The following PPARGC1A variants were observed in gnomAD, a reference collection of about 807,000 sequenced individuals.
PPARGC1A encodes the protein peroxisome proliferator-activated receptor gamma coactivator 1-alpha.
A neutral mutation model predicts 88.7 loss-of-function variants in PPARGC1A; 25 were observed. The observed-to-expected ratio is 0.28, with a 90% CI of 0.21 to 0.39. The LOEUF (loss-of-function observed/expected upper bound fraction) is 0.39, where lower values mean the gene tolerates loss of function less well. Ranked by LOEUF, PPARGC1A falls within the 10% of genes least tolerant of loss-of-function variation. The pLI is 1.00. For missense variants in PPARGC1A, 880 were observed against 968.7 expected (o/e 0.91, Z 1.22); for synonymous variants, 363 against 355.6 (o/e 1.02, Z -0.24).
At chr4:24,233,261 C>T in the PPARGC1A span, among the ~76,000 whole-genome samples, 1 of 152,150 alleles carries the variant, frequency 6.6e-6, no homozygotes, top group Non-Finnish European at 1.5e-5. Context: ...AATAGCCAAG[C>T]AAATATGATG....
At chr4:23,943,557 G>A in the PPARGC1A span, among the ~76,000 whole-genome samples, 1 of 152,084 alleles carries the variant, frequency 6.6e-6, no homozygotes, top group Admixed American at 6.6e-5. Context: ...AGGTAATTGG[G>A]TGAATCGGTT....
At chr4:24,208,682 A>AAAAAAAAT in the PPARGC1A span, among the ~76,000 whole-genome samples, 1,112 of 134,902 alleles carry the variant, frequency 8.2e-3, 13 homozygotes, top group African/African-American at 0.026. Context: ...TCAGAAAAAA[A>AAAAAAAAT]ATATATATAT....
chr4:24,136,038 G>C, the PPARGC1A span, among the ~76,000 whole-genome samples: 2 of 152,182 alleles, frequency 1.3e-5, no homozygotes, highest in Non-Finnish European at 2.9e-5. Flanking sequence ...TTGCTTGGCA[G>C]GCACGGTTCC....
At chr4:24,373,164 G>T in the PPARGC1A span, among the ~76,000 whole-genome samples, 2 of 152,212 alleles carry the variant, frequency 1.3e-5, no homozygotes, top group East Asian at 3.8e-4. Context: ...CTCCTGCGGC[G>T]TGAGCAGCAG....
At chr4:24,150,832 TGC>T in the PPARGC1A span, among the ~76,000 whole-genome samples, 2 of 152,186 alleles carry the variant, frequency 1.3e-5, no homozygotes, top group Admixed American at 6.5e-5. Context: ...CATTCTCTTG[TGC>T]ATTATACCAT....
chr4:24,372,917 G>A, the PPARGC1A span, among the ~76,000 whole-genome samples: 3 of 152,180 alleles, frequency 2.0e-5, no homozygotes, highest in Non-Finnish European at 2.9e-5. Context: ...GAGAGCTGGC[G>A]GAAAGTCAGG....
intron 2 of PPARGC1A, among the ~76,000 whole-genome samples, chr4:23,844,688 TA>T (rs1727820855): frequency 9.9e-6 from 1 of 101,396 alleles, no homozygotes; most frequent in Non-Finnish European, 1.7e-5. Context: ...ATATATCATA[TA>T]ATATATGATC....
At chr4:24,277,103 TTTG>T in the PPARGC1A span, among the ~76,000 whole-genome samples, 1 of 152,126 alleles carries the variant, frequency 6.6e-6, no homozygotes, top group Admixed American at 6.6e-5. Context: ...TTGCTTTTTG[TTTG>T]TTTTGAGGCA....
the PPARGC1A span, among the ~76,000 whole-genome samples, chr4:24,335,010 A>G: frequency 1.3e-5 from 2 of 152,224 alleles, no homozygotes; most frequent in African/African-American, 2.4e-5. Flanking sequence ...AGAGGTTTCC[A>G]TATTGTATTC....
intron 3 of PPARGC1A, among the ~76,000 whole-genome samples, chr4:23,830,196 T>G (rs1028215601): frequency 1.8e-4 from 28 of 152,182 alleles, no homozygotes; most frequent in Admixed American, 1.8e-3. Context: ...AAATTACTGA[T>G]TCAAAGAATG....
the PPARGC1A span, among the ~76,000 whole-genome samples, chr4:24,254,265 T>C: frequency 6.6e-6 from 1 of 152,180 alleles, no homozygotes; most frequent in African/African-American, 2.4e-5. Flanking sequence ...AGATTCTCCT[T>C]TGACAGGTAA....
At chr4:23,831,772 A>G (rs1245756207) in intron 2 of PPARGC1A, 21 bp from the exon 3 acceptor site, 2 of 1,581,392 alleles carry the variant, frequency 1.3e-6, no homozygotes, top group Non-Finnish European at 1.7e-6. Context: ...AGAAAAAAAC[A>G]GAAGATGTGA....
chr4:23,801,803 C>G lies in PPARGC1A; in HGVS notation c.2220G>C (p.Arg740Ser), dbSNP rs756099970. The G allele has an allele frequency of 3.7e-6, 6 of 1,613,990 alleles. No homozygotes were observed. In the South Asian group the frequency reaches 6.6e-5, roughly 18 times the overall value. Residue 740 changes from arginine to serine, a missense_variant, in exon 12 of 13, where the codon AGG becomes AGC. Coordinates refer to ENST00000264867, the MANE Select transcript of PPARGC1A (RefSeq NM_013261.5). The stretch of plus-strand genomic sequence containing the variant: ...ACAGCTCAAAGTCAGTTTCGTTTGA[C>G]CTGCGCAAAGTGTATCCATTTTCAA... ...AALENGYTLR[R>S]SNETDFELYF...
At chr4:24,091,198 A>T in the PPARGC1A span, among the ~76,000 whole-genome samples, 1 of 152,248 alleles carries the variant, frequency 6.6e-6, no homozygotes, top group Non-Finnish European at 1.5e-5. Flanking sequence ...CAACTTGTTA[A>T]TTCAAGAAAC....
chr4:23,962,993 C>T, the PPARGC1A span, among the ~76,000 whole-genome samples: 5 of 152,144 alleles, frequency 3.3e-5, no homozygotes, highest in African/African-American at 1.2e-4. Context: ...TGTTTCTCGC[C>T]AGGAATAAGC....
the PPARGC1A span, among the ~76,000 whole-genome samples, chr4:24,106,726 G>A: frequency 1.3e-5 from 2 of 152,184 alleles, no homozygotes; most frequent in African/African-American, 4.8e-5. Flanking sequence ...CCAATAGACT[G>A]TGGCAAAAGT....
chr4:24,165,336 A>G, the PPARGC1A span, among the ~76,000 whole-genome samples: 4 of 152,192 alleles, frequency 2.6e-5, no homozygotes, highest in African/African-American at 9.7e-5. Flanking sequence ...TGAAAATAAA[A>G]CTAATCTTTG....
chr4:23,868,617 C>G (rs1451025175), intron 2 of PPARGC1A, among the ~76,000 whole-genome samples: 1 of 152,196 alleles, frequency 6.6e-6, no homozygotes, highest in Non-Finnish European at 1.5e-5. Context: ...ACTTAGAAAG[C>G]TGAACCACAA....
the PPARGC1A span, among the ~76,000 whole-genome samples, chr4:24,073,787 C>T: frequency 6.6e-6 from 1 of 152,160 alleles, no homozygotes; most frequent in Non-Finnish European, 1.5e-5. Context: ...GGATTTGGAC[C>T]TTTAGTGCAC....
Sources: allele counts gnomAD v4.1 joint callset (sites outside exome capture counted in the v4.1 genomes callset), GRCh38; gene constraint gnomAD v4.1.1; transcripts MANE v1.5; gene names NCBI Gene and HGNC (gene_info 2026-07-23, HGNC 2026-07-21).